The following TBC1D22A variants were observed in gnomAD, a reference collection of about 807,000 sequenced individuals.
The protein encoded by TBC1D22A is putative GTPase activator.
TBC1D22A carries 38 observed loss-of-function variants against 60.2 expected under a neutral mutation model. The ratio of observed to expected loss-of-function variants is 0.63; its 90% CI spans 0.49 to 0.83. The LOEUF (loss-of-function observed/expected upper bound fraction) is 0.83, where lower values mean the gene tolerates loss of function less well. TBC1D22A is among the 40% of genes least tolerant of loss of function. The pLI is 0.00. For synonymous variants in TBC1D22A, 302 were observed against 281.7 expected (o/e 1.07, Z -0.72); for missense variants, 628 against 701.0 (o/e 0.90, Z 1.18).
intron 10 of TBC1D22A, among the ~76,000 whole-genome samples, chr22:47,022,578 A>T (rs2062127307): frequency 6.6e-6 from 1 of 152,040 alleles, no homozygotes; most frequent in Admixed American, 6.5e-5. Context: ...AAACAAACAA[A>T]CAAAAACACC....
intron 4 of TBC1D22A, among the ~76,000 whole-genome samples, chr22:46,842,975 G>C (rs2086835979): frequency 6.6e-6 from 1 of 152,242 alleles, no homozygotes; most frequent in Non-Finnish European, 1.5e-5. Context: ...GCAGGGCTGG[G>C]ATCCTGATGT....
chr22:47,056,736 G>A (rs570483694), intron 11 of TBC1D22A, among the ~76,000 whole-genome samples: 1 of 152,330 alleles, frequency 6.6e-6, no homozygotes, highest in Non-Finnish European at 1.5e-5. Flanking sequence ...CTATGACAGG[G>A]GACCTTAGCA....
At chr22:46,807,964 C>T (rs2085221084) in intron 4 of TBC1D22A, among the ~76,000 whole-genome samples, 1 of 149,818 alleles carries the variant, frequency 6.7e-6, no homozygotes, top group African/African-American at 2.5e-5. Context: ...AACACCGTGT[C>T]TCTAAAAGAA....
At chr22:47,050,444 C>T (rs931816362) in intron 11 of TBC1D22A, among the ~76,000 whole-genome samples, 17 of 152,320 alleles carry the variant, frequency 1.1e-4, no homozygotes, top group South Asian at 2.1e-4. Flanking sequence ...AAAAGTTTCC[C>T]GTGTTTTTAG....
intron 12 of TBC1D22A, among the ~76,000 whole-genome samples, chr22:47,151,743 C>T (rs909643456): frequency 2.6e-5 from 4 of 152,228 alleles, no homozygotes; most frequent in African/African-American, 7.2e-5. Context: ...GGAAGCCCTG[C>T]GTCTGCTCTG....
At position 46,898,799 on chromosome 22, in the gene TBC1D22A, C is replaced by T. The variant is rs574536654; in HGVS notation, c.900+3953C>T. On this transcript the variant is annotated intron_variant, in intron 7 of 12. Transcript: ENST00000337137. ...ATATGGGGGAGGCATGTAGCTTCAT[C>T]GTGTAGCCATCTTATTTTGGAACCA... Among the ~76,000 whole-genome samples, 3 of 152,326 alleles carry T rather than the reference C, an allele frequency of 2.0e-5. No individual in the cohort carries two copies. The East Asian group carries it at 5.8e-4, about 29-fold the overall frequency.
chr22:47,042,455 A>T (rs1294357497), intron 11 of TBC1D22A, among the ~76,000 whole-genome samples: 1 of 152,064 alleles, frequency 6.6e-6, no homozygotes, highest in Admixed American at 6.5e-5. Context: ...ATATGAATGA[A>T]TGAGAATGAA....
At chr22:46,834,899 TG>T (rs1176247584) in intron 4 of TBC1D22A, among the ~76,000 whole-genome samples, 2 of 152,334 alleles carry the variant, frequency 1.3e-5, no homozygotes, top group East Asian at 3.9e-4. Flanking sequence ...CACAGACAGC[TG>T]GCTTGACTTT....
intron 12 of TBC1D22A, among the ~76,000 whole-genome samples, chr22:47,139,350 C>T (rs547346194): frequency 5.9e-5 from 9 of 152,290 alleles, no homozygotes; most frequent in East Asian, 1.9e-4. Flanking sequence ...CTGACGTGGC[C>T]GCACCTCCCA....
chr22:46,963,494 C>T (rs1219218544), intron 8 of TBC1D22A, among the ~76,000 whole-genome samples: 1 of 150,844 alleles, frequency 6.6e-6, no homozygotes, highest in Non-Finnish European at 1.5e-5. Flanking sequence ...GCCCTTGTTC[C>T]TGTGCCTTCC....
intron 4 of TBC1D22A, among the ~76,000 whole-genome samples, chr22:46,813,062 A>G (rs1053789175): frequency 2.0e-5 from 3 of 152,196 alleles, no homozygotes; most frequent in African/African-American, 7.2e-5. Context: ...GTCTTTCTGT[A>G]TGCAGGCCAC....
chr22:46,872,305 C>T (rs1313567637), intron 4 of TBC1D22A, among the ~76,000 whole-genome samples: 2 of 152,076 alleles, frequency 1.3e-5, no homozygotes, highest in African/African-American at 4.8e-5. Flanking sequence ...AAACACTTCT[C>T]ATTTTTTTTA....
intron 5 of TBC1D22A, among the ~76,000 whole-genome samples, chr22:46,879,999 AG>A (rs777410191): frequency 1.8e-4 from 28 of 152,228 alleles, no homozygotes; most frequent in Admixed American, 6.5e-4. Flanking sequence ...ACAGGAGGGC[AG>A]GTGGGTGTAG....
chr22:47,075,154 C>T (rs1014328450), intron 11 of TBC1D22A, among the ~76,000 whole-genome samples: 5 of 146,812 alleles, frequency 3.4e-5, no homozygotes, highest in African/African-American at 1.3e-4. Context: ...ACCAGGGAGG[C>T]GGAGCTTGCA....
At position 46,824,366 on chromosome 22, in the gene TBC1D22A, G is replaced by T. The variant is rs571583484; in HGVS notation, c.637+26746G>T. Among the ~76,000 whole-genome samples, 8 of 152,270 alleles carry T rather than the reference G, an allele frequency of 5.3e-5. No individual in the cohort carries two copies. The South Asian group carries it at 8.3e-4, about 16-fold the overall frequency. On this transcript the variant is annotated intron_variant, in intron 4 of 12. Transcript: ENST00000337137. ...AGAGGAGATAGCCACCTGATGATTTGGGGGCACATAACCCTCTAAGGAGGG... is the reference window on the plus strand; with the variant it reads ...AGAGGAGATAGCCACCTGATGATTTTGGGGCACATAACCCTCTAAGGAGGG...
intron 11 of TBC1D22A, among the ~76,000 whole-genome samples, chr22:47,067,152 G>A (rs2063802589): frequency 6.6e-6 from 1 of 152,158 alleles, no homozygotes; most frequent in Admixed American, 6.5e-5. Context: ...TATAAACCCA[G>A]CTACTCAGGA....
At chr22:46,854,541 C>T (rs914295353) in intron 4 of TBC1D22A, among the ~76,000 whole-genome samples, 1 of 152,174 alleles carries the variant, frequency 6.6e-6, no homozygotes, top group Non-Finnish European at 1.5e-5. Flanking sequence ...AGCCCACCCC[C>T]ACCTGTTCTT....
At chr22:46,766,550 T>A (rs1171797937) in intron 1 of TBC1D22A, among the ~76,000 whole-genome samples, 1 of 152,112 alleles carries the variant, frequency 6.6e-6, no homozygotes, top group East Asian at 1.9e-4. Flanking sequence ...TCTTTTTTAT[T>A]TTTGAGATGG....
chr22:47,038,155 C>T (rs964188729), intron 11 of TBC1D22A, among the ~76,000 whole-genome samples: 12 of 152,158 alleles, frequency 7.9e-5, no homozygotes, highest in African/African-American at 2.9e-4. Flanking sequence ...TAGCAGGCAC[C>T]ATTATGTGGG....
Sources: gnomAD v4.1 joint callset for allele counts (sites outside exome capture counted in the v4.1 genomes callset) on GRCh38, gnomAD v4.1.1 for gene constraint, MANE v1.5 for transcripts, NCBI Gene and HGNC (gene_info 2026-07-23, HGNC 2026-07-21) for gene names.